Variants in DPYSL3 observed in about 807,000 individuals in gnomAD.
The protein encoded by DPYSL3 is dihydropyrimidinase-related protein 3.
DPYSL3 carries 16 observed loss-of-function variants against 66.1 expected under a neutral mutation model. The ratio of observed to expected loss-of-function variants is 0.24; its 90% confidence interval spans 0.16 to 0.37. The LOEUF (loss-of-function observed/expected upper bound fraction) is 0.37, where lower values mean the gene tolerates loss of function less well. Ranked by LOEUF, DPYSL3 falls within the 10% of genes least tolerant of loss-of-function variation. The pLI, the probability that DPYSL3 is intolerant of heterozygous loss-of-function variation, is 1.00. For synonymous variants in DPYSL3, 338 were observed against 345.1 expected (o/e 0.98, Z 0.23); for missense variants, 738 against 916.2 (o/e 0.81, Z 2.51).
chr5:147,469,120 G>A (rs1753049584), intron 1 of DPYSL3, among the ~76,000 whole-genome samples: 1 of 152,206 alleles, frequency 6.6e-6, no homozygotes, highest in Non-Finnish European at 1.5e-5. Context: ...CAAGCACATT[G>A]TAGCCTTGGC....
At position 147,452,827 on chromosome 5, in the gene DPYSL3, C is replaced by T. The variant is rs570057004; in HGVS notation, c.382-27864G>A. On this transcript the variant is annotated intron_variant, in intron 1 of 13. Coordinates refer to ENST00000343218, the MANE Select transcript of DPYSL3 (RefSeq NM_001197294.2). The stretch of plus-strand genomic sequence containing the variant: ...ACTAAAATCTGCTCTAAAAACTCGG[C>T]CTTTTCTTTGATGTGAGGGAGAAAA... Among the ~76,000 whole-genome samples the T allele has an allele frequency of 4.7e-5, 7 of 150,364 alleles. No individual in the cohort carries two copies. In the South Asian group the frequency reaches 1.5e-3, roughly 32 times the overall value.
chr5:147,470,200 T>C (rs1023589824), intron 1 of DPYSL3, among the ~76,000 whole-genome samples: 2 of 152,078 alleles, frequency 1.3e-5, no homozygotes, highest in Non-Finnish European at 2.9e-5. Flanking sequence ...TCTGCCTCCA[T>C]CTCCTTCCTT....
At chr5:147,497,423 A>G (rs1753536058) in intron 1 of DPYSL3, among the ~76,000 whole-genome samples, 1 of 152,106 alleles carries the variant, frequency 6.6e-6, no homozygotes, top group Non-Finnish European at 1.5e-5. Flanking sequence ...AAAAAAAGAA[A>G]AGCAAACTAC....
intron 1 of DPYSL3, among the ~76,000 whole-genome samples, chr5:147,481,291 T>C (rs948497281): frequency 3.3e-5 from 5 of 152,188 alleles, no homozygotes; most frequent in Non-Finnish European, 5.9e-5. Flanking sequence ...GCTGTAATAA[T>C]TTAAAATCAT....
intron 1 of DPYSL3, among the ~76,000 whole-genome samples, chr5:147,455,862 A>G (rs1752843479): frequency 6.6e-6 from 1 of 152,054 alleles, no homozygotes; most frequent in South Asian, 2.1e-4. Context: ...ATTATAATCC[A>G]GAACACTCTT....
rs1156650987 is a variant in DPYSL3, at chr5:147,509,532, C to T, written c.327G>A (p.Glu109=). The T allele has an allele frequency of 1.3e-6, 2 of 1,534,534 alleles. No individual in the cohort carries two copies. The highest frequency in any genetic ancestry group is 2.0e-5 in the Admixed American group (1 of 50,904). Residue 109 remains glutamate, a synonymous_variant, in exon 1 of 14, where the codon GAG becomes GAA. Transcript: ENST00000343218. This position sits in a 1 kb window ranked among gnomAD's most constrained non-coding sequence, Gnocchi z 5.3. ...CCTCTTTGCCGGTGGCGCTCCGGATCTCTACCCCGGCGGGGGCGGGGGAGG... is the reference window on the plus strand; with the variant it reads ...CCTCTTTGCCGGTGGCGCTCCGGATTTCTACCCCGGCGGGGGCGGGGGAGG... ...APASPAPAGV[E]IRSATGKEVL... is the part of the protein sequence containing the mutation.
rs1757872828 is a variant in DPYSL3, at chr5:147,393,418, T to C, written c.*617A>G. 1 of 152,326 alleles carries C rather than the reference T, an allele frequency of 6.6e-6. No individual in the cohort carries two copies. The highest frequency in any genetic ancestry group is 2.4e-5 in the African/African-American group (1 of 41,436). The allele number at this position is 152,326 out of a possible 1,614,324, so 9.4% of individuals were successfully genotyped here. Reference sequence around the variant, plus strand: ...AACGTTCAAAGAAACAAAATTTACTTGTAGGGGACGTGACAAAGAACAGAA... The same window carrying C: ...AACGTTCAAAGAAACAAAATTTACTCGTAGGGGACGTGACAAAGAACAGAA... On this transcript the variant is annotated 3_prime_UTR_variant, in exon 14 of 14. Coordinates refer to ENST00000343218, the MANE Select transcript of DPYSL3 (RefSeq NM_001197294.2).
At chr5:147,418,679 A>C (rs1406451187) in intron 2 of DPYSL3, 48 bp from the exon 3 acceptor site, 1 of 1,506,706 alleles carries the variant, frequency 6.6e-7, no homozygotes, top group African/African-American at 1.4e-5. Flanking sequence ...TGGTCATTTA[A>C]AAGTGCAATT....
At chr5:147,405,506 G>A in intron 8 of DPYSL3, 104 bp downstream of exon 8, 1 of 1,430,100 alleles carries the variant, frequency 7.0e-7, no homozygotes, top group African/African-American at 1.4e-5. Flanking sequence ...AGGGAGCAAG[G>A]CAATGAGCAA....
chr5:147,508,314 T>A (rs1753709504), intron 1 of DPYSL3, among the ~76,000 whole-genome samples: 1 of 152,254 alleles, frequency 6.6e-6, no homozygotes, highest in African/African-American at 2.4e-5. Context: ...AGAGATGCTG[T>A]TCTTTCACTA....
chr5:147,462,985 G>A (rs1053161325), intron 1 of DPYSL3, among the ~76,000 whole-genome samples: 3 of 152,130 alleles, frequency 2.0e-5, no homozygotes, highest in Non-Finnish European at 2.9e-5. Flanking sequence ...CCCAGCACAA[G>A]GTTCTGTCAG....
chr5:147,473,782 G>A (rs969983479), intron 1 of DPYSL3, among the ~76,000 whole-genome samples: 3 of 152,054 alleles, frequency 2.0e-5, no homozygotes, highest in African/African-American at 7.2e-5. Context: ...TGGAAATTCA[G>A]GTGGAATTAA....
At chr5:147,409,788 G>C (rs1446933181) in intron 6 of DPYSL3, among the ~76,000 whole-genome samples, 1 of 152,190 alleles carries the variant, frequency 6.6e-6, no homozygotes, top group African/African-American at 2.4e-5. Context: ...CTCTGGTAAT[G>C]TGTGAGACAC....
intron 2 of DPYSL3, among the ~76,000 whole-genome samples, chr5:147,424,294 T>C (rs1170225166): frequency 6.6e-6 from 1 of 152,190 alleles, no homozygotes; most frequent in African/African-American, 2.4e-5. Flanking sequence ...TTTTTTGTGA[T>C]GAAACACTAT....
Position 147,405,981 on chromosome 5 carries a change from T to C in DPYSL3, c.1033-251A>G, listed in dbSNP as rs145965077. ...GCACAGCATTGTCATCTGAGAGCAA[T>C]GTCTGGCAGAGGGTAAGTACTTTTT... On this transcript the variant is annotated intron_variant, in intron 7 of 13. Coordinates refer to ENST00000343218, the MANE Select transcript of DPYSL3 (RefSeq NM_001197294.2). The C allele has an allele frequency of 9.1e-5, 30 of 329,450 alleles. No individual in the cohort carries two copies. In the East Asian group the frequency reaches 1.3e-3, roughly 15 times the overall value. The allele number at this position is 329,450 out of a possible 1,614,324, so 20.4% of individuals were successfully genotyped here. A position where few individuals can be genotyped will look rare whatever the true frequency, so the allele number is the denominator to read the frequency against.
chr5:147,446,954 A>G (rs555117176), intron 1 of DPYSL3, among the ~76,000 whole-genome samples: 1 of 152,210 alleles, frequency 6.6e-6, no homozygotes, highest in Non-Finnish European at 1.5e-5. Context: ...ACCTGTGCCT[A>G]TGGAACTACT....
intron 13 of DPYSL3, among the ~76,000 whole-genome samples, chr5:147,394,848 T>G (rs1210026774): frequency 1.3e-5 from 2 of 152,200 alleles, no homozygotes; most frequent in African/African-American, 4.8e-5. Context: ...CCATACCCTT[T>G]CCTCATATGC....
chr5:147,466,030 C>A (rs1223641360), intron 1 of DPYSL3, among the ~76,000 whole-genome samples: 7 of 152,124 alleles, frequency 4.6e-5, no homozygotes, highest in Admixed American at 4.6e-4. Context: ...TTTTATTTAG[C>A]CAGCATTTTA....
In DPYSL3 at chr5:147,418,535, G is replaced by A. The variant is rs1752017027; in HGVS notation, c.567C>T (p.His189=). 13 of 1,613,734 alleles carry A rather than the reference G, an allele frequency of 8.1e-6. No individual in the cohort carries two copies. The highest frequency in any genetic ancestry group is 1.1e-5 in the Non-Finnish European group (13 of 1,179,834). The change falls in exon 3 of 14, where the codon CAC becomes CAT. Residue 189 remains histidine, a synonymous_variant. Transcript: ENST00000343218. ...VIPGGIDVHT[H]FQMPYKGMTT... is the part of the protein sequence containing the mutation. ...TCATTCCCTTATATGGCATCTGGAA[G>A]TGAGTATGGACATCGATGCCTCCAG...
Sources: gnomAD v4.1 joint callset for allele counts (sites outside exome capture counted in the v4.1 genomes callset) on GRCh38, gnomAD v4.1.1 for gene constraint, Gnocchi (gnomAD v3.1) non-coding constraint, MANE v1.5 for transcripts, NCBI Gene and HGNC (gene_info 2026-07-23, HGNC 2026-07-21) for gene names.